Variants in MME observed in about 807,000 individuals in gnomAD.
MME encodes the protein membrane metalloendopeptidase.
In MME, 98 loss-of-function variants were observed where a neutral mutation model predicts 113.2. The observed-to-expected ratio is 0.87, with a 90% CI of 0.74 to 1.02. MME has a LOEUF of 1.02. Ranked by LOEUF, MME falls within the 50% of genes least tolerant of loss-of-function variation. The pLI, the probability that MME is intolerant of heterozygous loss-of-function variation, is 0.00. For missense variants in MME, 836 were observed against 896.0 expected (o/e 0.93, Z 0.86); for synonymous variants, 292 against 300.6 (o/e 0.97, Z 0.30).
intron 15 of MME, 147 bp from the exon 16 acceptor site, chr3:155,148,403 T>C: frequency 1.6e-6 from 1 of 617,566 alleles, no homozygotes; most frequent in Non-Finnish European, 2.9e-6. Flanking sequence ...TTAGGTTAAC[T>C]GGAACTACAT....
chr3:155,054,063 C>T (rs1251580725), intron 1 of MME, among the ~76,000 whole-genome samples: 4 of 152,182 alleles, frequency 2.6e-5, no homozygotes, highest in African/African-American at 9.7e-5. Context: ...AAGCTGTTCT[C>T]CAGAACTGTG....
At chr3:155,179,516 T>TG (rs1712871667) in intron 22 of MME, among the ~76,000 whole-genome samples, 1 of 152,182 alleles carries the variant, frequency 6.6e-6, no homozygotes, top group South Asian at 2.1e-4. Context: ...TGGACTCACC[T>TG]GTCATTTGTG....
At chr3:155,103,023 A>G (rs1265845240) in intron 3 of MME, among the ~76,000 whole-genome samples, 1 of 152,140 alleles carries the variant, frequency 6.6e-6, no homozygotes, top group African/African-American at 2.4e-5. Flanking sequence ...TTGAATGGCC[A>G]ACGGAATGAA....
At chr3:155,029,917 A>C (rs1313755998) in intron 1 of MME, among the ~76,000 whole-genome samples, 1 of 152,194 alleles carries the variant, frequency 6.6e-6, no homozygotes, top group East Asian at 1.9e-4. Flanking sequence ...ATATAGACAT[A>C]TAGGCACACA....
At chr3:155,168,927 A>T in intron 20 of MME, 130 bp downstream of exon 20, 1 of 754,206 alleles carries the variant, frequency 1.3e-6, no homozygotes, top group South Asian at 1.7e-5. Context: ...AATGGAAAAA[A>T]ATATGAGAAG....
chr3:155,094,673 TGG>T (rs1282721430), intron 3 of MME, among the ~76,000 whole-genome samples: 1 of 152,206 alleles, frequency 6.6e-6, no homozygotes. Context: ...TGTCTTAGTA[TGG>T]GGGTGACAGT....
chr3:155,133,169 T>G (rs537482553), intron 8 of MME, among the ~76,000 whole-genome samples: 17 of 150,590 alleles, frequency 1.1e-4, no homozygotes, highest in Admixed American at 1.1e-3. Flanking sequence ...ATTAAAACCT[T>G]AAGGTAGAAT....
At chr3:155,117,807 G>A (rs141290196) in intron 7 of MME, among the ~76,000 whole-genome samples, 1 of 152,092 alleles carries the variant, frequency 6.6e-6, no homozygotes, top group African/African-American at 2.4e-5. Flanking sequence ...GGACCAGGGG[G>A]TGGGGAAGGA....
At chr3:155,049,427 G>A (rs138801212) in intron 1 of MME, among the ~76,000 whole-genome samples, 201 of 152,254 alleles carry the variant, frequency 1.3e-3, no homozygotes, top group African/African-American at 4.6e-3. Flanking sequence ...GAGGCTAGGA[G>A]AGAGGTACAG....
At chr3:155,155,787 G>C (rs144967029) in intron 16 of MME, among the ~76,000 whole-genome samples, 1 of 152,312 alleles carries the variant, frequency 6.6e-6, no homozygotes, top group African/African-American at 2.4e-5. Context: ...ACCCACCCAA[G>C]TGTCTCCAAA....
At chr3:155,124,470 G>A (rs1283798309) in intron 8 of MME, among the ~76,000 whole-genome samples, 10 of 152,152 alleles carry the variant, frequency 6.6e-5, no homozygotes, top group South Asian at 2.1e-4. Flanking sequence ...GAGGAACTGC[G>A]TTCCTTTGGA....
chr3:155,140,192 C>CG lies in MME; in HGVS notation c.857_858insG (p.Thr287TyrfsTer3). The CG allele has an allele frequency of 6.2e-7, 1 of 1,604,808 alleles. No homozygotes were observed. Among genetic ancestry groups the CG allele is most frequent in the Non-Finnish European group, 8.5e-7 (1 of 1,172,948 alleles). On this transcript the variant is annotated frameshift_variant and splice_region_variant, in exon 10 of 23. Transcript: ENST00000360490. LOFTEE classifies it high-confidence loss of function. ...AATGATTAAAAATTAAATCCATAGG[C>CG]TACGGCTAAACCTGAAGATCGAAAT...
chr3:155,032,480 A>G (rs1713002748), intron 1 of MME, among the ~76,000 whole-genome samples: 1 of 152,238 alleles, frequency 6.6e-6, no homozygotes, highest in Non-Finnish European at 1.5e-5. Context: ...TGAAACTCCT[A>G]TCTTAAAAGC....
chr3:155,137,013 G>A (rs73875819), intron 8 of MME, among the ~76,000 whole-genome samples: 4 of 152,144 alleles, frequency 2.6e-5, no homozygotes, highest in Non-Finnish European at 4.4e-5. Flanking sequence ...CCTAACAAAA[G>A]TGGGACTCCA....
intron 3 of MME, among the ~76,000 whole-genome samples, chr3:155,087,008 T>C (rs1305690746): frequency 4.0e-5 from 3 of 74,778 alleles, no homozygotes; most frequent in Non-Finnish European, 8.1e-5. Flanking sequence ...TTTTTTTGTT[T>C]TTTTTTTTTG....
At chr3:155,179,566 T>C (rs113660793) in intron 22 of MME, among the ~76,000 whole-genome samples, 8 of 152,182 alleles carry the variant, frequency 5.3e-5, no homozygotes, top group African/African-American at 1.7e-4. Flanking sequence ...TCTGGGCCCC[T>C]CCTCCCAACC....
chr3:155,103,053 T>C (rs1717394441), intron 3 of MME, among the ~76,000 whole-genome samples: 1 of 152,208 alleles, frequency 6.6e-6, no homozygotes, highest in African/African-American at 2.4e-5. Context: ...CTCTCTCCTC[T>C]ACCTTCAACT....
At chr3:155,039,623 T>C (rs1175286422) in intron 1 of MME, among the ~76,000 whole-genome samples, 1 of 152,142 alleles carries the variant, frequency 6.6e-6, no homozygotes, top group East Asian at 1.9e-4. Context: ...TAGTAGTGTA[T>C]CAAAGATAAT....
At chr3:155,156,230 CCT>C (rs1722297655) in intron 16 of MME, among the ~76,000 whole-genome samples, 1 of 152,110 alleles carries the variant, frequency 6.6e-6, no homozygotes, top group Non-Finnish European at 1.5e-5. Context: ...AACCTCTGAA[CCT>C]AGAATTTTTC....
Sources: allele counts gnomAD v4.1 joint callset (sites outside exome capture counted in the v4.1 genomes callset), GRCh38; gene constraint gnomAD v4.1.1; transcripts MANE v1.5; gene names NCBI Gene and HGNC (gene_info 2026-07-23, HGNC 2026-07-21).